RERE: variants seen among roughly 807,000 people sequenced by gnomAD.
RERE encodes the protein arginine-glutamic acid dipeptide repeats.
In RERE, 40 loss-of-function variants were observed where a neutral mutation model predicts 146.1. That is an observed-to-expected ratio of 0.27 (90% CI 0.21 to 0.36). RERE has a LOEUF of 0.36. Ranked by LOEUF, RERE falls within the 10% of genes least tolerant of loss-of-function variation. The probability of loss-of-function intolerance (pLI) is 1.00; values close to 1 mark genes in which losing one functional copy is unlikely to be tolerated. For missense variants in RERE, 1,933 were observed against 2,138.7 expected (o/e 0.90, Z 1.90); for synonymous variants, 1,003 against 866.0 (o/e 1.16, Z -2.78).
chr1:8,538,668 A>C (rs1010787284), intron 7 of RERE, among the ~76,000 whole-genome samples: 1 of 152,214 alleles, frequency 6.6e-6, no homozygotes, highest in Non-Finnish European at 1.5e-5. Context: ...TTTACTTATA[A>C]ATGGGCACTT....
chr1:8,715,863 ACTGGATTCCAGC>A (rs1639753774), intron 1 of RERE, among the ~76,000 whole-genome samples: 1 of 150,326 alleles, frequency 6.7e-6, no homozygotes, highest in Non-Finnish European at 1.5e-5. Context: ...TGATCATGCC[ACTGGATTCCAGC>A]CTGGATGACA....
At chr1:8,457,143 A>T (rs756169390) in intron 11 of RERE, among the ~76,000 whole-genome samples, 6 of 152,228 alleles carry the variant, frequency 3.9e-5, no homozygotes, top group Non-Finnish European at 8.8e-5. Context: ...CTTGGTAAGT[A>T]GGAAGGAATC....
intron 7 of RERE, among the ~76,000 whole-genome samples, chr1:8,536,298 A>C (rs1232422654): frequency 6.6e-6 from 1 of 152,140 alleles, no homozygotes; most frequent in Non-Finnish European, 1.5e-5. Flanking sequence ...CATGGACACG[A>C]GGATTAAGTA....
At chr1:8,669,848 TGAAAG>T (rs1291119175) in intron 1 of RERE, among the ~76,000 whole-genome samples, 1 of 152,180 alleles carries the variant, frequency 6.6e-6, no homozygotes, top group African/African-American at 2.4e-5. Flanking sequence ...CAGCGTGTGA[TGAAAG>T]GAAATGACAG....
chr1:8,758,060 G>A (rs1027060840), intron 1 of RERE, among the ~76,000 whole-genome samples: 22 of 151,910 alleles, frequency 1.4e-4, no homozygotes, highest in Non-Finnish European at 3.1e-4. Context: ...ATGATCCCAC[G>A]TATATGCAGA....
rs558963416 is a variant in RERE, at chr1:8,356,760, G to A, written c.4340-514C>T. Among the ~76,000 whole-genome samples, 3 of 152,232 alleles carry A rather than the reference G, an allele frequency of 2.0e-5. No individual in the cohort carries two copies. The highest frequency in any genetic ancestry group is 4.4e-5 in the Non-Finnish European group (3 of 67,996). ...TCTCCTCTCTGCTGGCACAAATCTT[G>A]CGTCTCTCCCTTCAGAACGTTGCCT... On this transcript the variant is annotated intron_variant, in intron 20 of 22. Transcript: ENST00000400908. The surrounding 1 kb of genome is among the most constrained non-coding windows in gnomAD (Gnocchi z 5.2).
intron 1 of RERE, among the ~76,000 whole-genome samples, chr1:8,810,703 T>A (rs532575839): frequency 6.6e-6 from 1 of 152,232 alleles, no homozygotes; most frequent in Non-Finnish European, 1.5e-5. Context: ...CCCATGAGTA[T>A]CTCATGAGAA....
chr1:8,525,514 G>GGACA (rs1293599571), intron 7 of RERE, among the ~76,000 whole-genome samples: 1 of 152,210 alleles, frequency 6.6e-6, no homozygotes, highest in Non-Finnish European at 1.5e-5. Context: ...AAGGGGAAGA[G>GGACA]GACAGGGACA....
chr1:8,612,392 A>C (rs956159711), intron 4 of RERE, among the ~76,000 whole-genome samples: 7 of 152,206 alleles, frequency 4.6e-5, no homozygotes, highest in African/African-American at 1.7e-4. Context: ...AGCATCATTA[A>C]AGAACAATCA....
intron 4 of RERE, among the ~76,000 whole-genome samples, chr1:8,592,929 A>G (rs1045847443): frequency 6.6e-6 from 1 of 152,166 alleles, no homozygotes; most frequent in Non-Finnish European, 1.5e-5. Context: ...AATCTCTTCT[A>G]TCATTCTACT....
At chr1:8,602,814 A>T (rs753400740) in intron 4 of RERE, among the ~76,000 whole-genome samples, 43 of 151,474 alleles carry the variant, frequency 2.8e-4, no homozygotes, top group Middle Eastern at 3.4e-3. Flanking sequence ...TTGGTTTAAA[A>T]GAAATATTTC....
intron 7 of RERE, among the ~76,000 whole-genome samples, chr1:8,520,981 A>T (rs1174217310): frequency 2.0e-5 from 3 of 152,008 alleles, no homozygotes; most frequent in Non-Finnish European, 4.4e-5. Context: ...CCTCAGGGAA[A>T]TGTTATAAAA....
chr1:8,660,962 AG>A (rs771981947), intron 1 of RERE, among the ~76,000 whole-genome samples: 1 of 152,254 alleles, frequency 6.6e-6, no homozygotes, highest in Non-Finnish European at 1.5e-5. Context: ...GGTAAACAGC[AG>A]AAAACTCAAC....
intron 4 of RERE, among the ~76,000 whole-genome samples, chr1:8,586,258 A>C (rs957167908): frequency 1.3e-5 from 2 of 152,236 alleles, no homozygotes; most frequent in African/African-American, 4.8e-5. Context: ...GTGTACAGAC[A>C]TCTACACCTG....
intron 1 of RERE, among the ~76,000 whole-genome samples, chr1:8,667,043 T>A (rs1459807388): frequency 6.6e-6 from 1 of 152,134 alleles, no homozygotes; most frequent in Non-Finnish European, 1.5e-5. Context: ...CAGCAAAAAA[T>A]AAACCCTTTA....
intron 1 of RERE, among the ~76,000 whole-genome samples, chr1:8,769,164 T>C (rs1404412948): frequency 1.3e-5 from 2 of 152,224 alleles, no homozygotes; most frequent in Non-Finnish European, 2.9e-5. Context: ...AAATGTTTTT[T>C]ACCCAATGAT....
intron 12 of RERE, among the ~76,000 whole-genome samples, chr1:8,400,232 G>A (rs990962491): frequency 7.3e-5 from 11 of 151,012 alleles, no homozygotes; most frequent in Admixed American, 2.0e-4. Context: ...ATGTGTGTGT[G>A]TGTGTGTGTG....
chr1:8,510,483 C>G (rs1026290210), intron 7 of RERE, among the ~76,000 whole-genome samples: 1 of 152,080 alleles, frequency 6.6e-6, no homozygotes, highest in Non-Finnish European at 1.5e-5. Context: ...AAAAACGAAG[C>G]TAAAAGATGG....
chr1:8,594,403 T>A (rs1226561273), intron 4 of RERE, among the ~76,000 whole-genome samples: 1 of 152,160 alleles, frequency 6.6e-6, no homozygotes, highest in Non-Finnish European at 1.5e-5. Context: ...GGTAGAAAGA[T>A]ACAACAAAAA....
Sources: allele counts gnomAD v4.1 joint callset (sites outside exome capture counted in the v4.1 genomes callset), GRCh38; gene constraint gnomAD v4.1.1; non-coding constraint Gnocchi (gnomAD v3.1); transcripts MANE v1.5; gene names NCBI Gene and HGNC (gene_info 2026-07-23, HGNC 2026-07-21).